Variants in URB1 observed in about 807,000 individuals in gnomAD.
The protein encoded by URB1 is URB1 ribosome biogenesis factor, also known as nucleolar pre-ribosomal-associated protein 1.
A neutral mutation model predicts 242.3 loss-of-function variants in URB1; 197 were observed. That is an observed-to-expected ratio of 0.81 (90% CI 0.72 to 0.91). The LOEUF (loss-of-function observed/expected upper bound fraction) is 0.91, where lower values mean the gene tolerates loss of function less well. Ranked by LOEUF, URB1 falls within the 40% of genes least tolerant of loss-of-function variation. The pLI is 0.00. For synonymous variants in URB1, 1,153 were observed against 1,201.8 expected, an observed-to-expected ratio of 0.96 and a Z score of 0.84; for missense variants, 2,721 against 2,860.5, an observed-to-expected ratio of 0.95 and a Z score of 1.11.
chr21:32,316,844 C>G lies in URB1; in HGVS notation c.6256G>C (p.Glu2086Gln), dbSNP rs574955611. 3.5e-5 allele frequency: 54 copies of G among 1,548,370 alleles called. No homozygotes were observed. Among genetic ancestry groups the G allele is most frequent in the Non-Finnish European group, 4.5e-5 (51 of 1,144,990 alleles). ...TQEPVDSASPESDAPGPVYAA... is the reference protein window; with the variant it reads ...TQEPVDSASPQSDAPGPVYAA... ...TATACGGGGCCTGGCGCATCGCTCT[C>G]GGGGCTGGCTGAGTCCACAGGCTCC... Residue 2086 changes from glutamate to glutamine, a missense_variant, in exon 38 of 39, where the codon GAG becomes CAG. Transcript: ENST00000382751.
chr21:32,358,421 T>C (rs1020013781), intron 14 of URB1, among the ~76,000 whole-genome samples: 4 of 152,200 alleles, frequency 2.6e-5, no homozygotes, highest in African/African-American at 9.7e-5. Flanking sequence ...CCAGTGCTGA[T>C]AGAACGGATT....
At position 32,378,478 on chromosome 21, in the gene URB1, C is replaced by T; in HGVS notation, c.631G>A (p.Asp211Asn). 6.4e-7 allele frequency: 1 copy of T among 1,551,712 alleles called. No homozygotes were observed. Among genetic ancestry groups the T allele is most frequent in the Non-Finnish European group, 8.7e-7 (1 of 1,146,990 alleles). Residue 211 changes from aspartate to asparagine, a missense_variant, in exon 5 of 39, where the codon GAC (aspartate) becomes AAC (asparagine). Transcript: ENST00000382751. ...TCCAACACCTGCACTATAGTGCTGTCATCACCCGCAATTAAAAAGGAGAGA... is the reference window on the plus strand; with the variant it reads ...TCCAACACCTGCACTATAGTGCTGTTATCACCCGCAATTAAAAAGGAGAGA... ...FALSFLIAGD[D>N]STIVQVLEVK...
At chr21:32,366,160 G>C (rs1017823683) in intron 10 of URB1, among the ~76,000 whole-genome samples, 3 of 151,748 alleles carry the variant, frequency 2.0e-5, no homozygotes, top group African/African-American at 7.3e-5. Context: ...GGCCTTCAAA[G>C]TATATGTTTG....
At chr21:32,345,609 C>T (rs1437713686) in intron 22 of URB1, 34 bp from the exon 23 acceptor site, 4 of 1,504,474 alleles carry the variant, frequency 2.7e-6, no homozygotes, top group Non-Finnish European at 3.6e-6. Context: ...AGTCATCACA[C>T]CCAATGGTGG....
At chr21:32,320,759 C>T in intron 34 of URB1, 119 bp from the exon 35 acceptor site, 1 of 755,268 alleles carries the variant, frequency 1.3e-6, no homozygotes, top group Non-Finnish European at 2.2e-6. Flanking sequence ...CAAATGAAGC[C>T]TGCTTTGCTA....
chr21:32,321,725 G>C, intron 34 of URB1, 76 bp downstream of exon 34: 3 of 1,530,858 alleles, frequency 2.0e-6, no homozygotes, highest in Middle Eastern at 1.9e-4. Flanking sequence ...AATTCATACG[G>C]ACTTGACTTC....
chr21:32,379,063 G>A (rs1054723134), intron 4 of URB1, among the ~76,000 whole-genome samples: 1 of 152,250 alleles, frequency 6.6e-6, no homozygotes, highest in Non-Finnish European at 1.5e-5. Flanking sequence ...CACAGATGCT[G>A]TCACGTTACT....
chr21:32,319,070 C>T (rs2123541579), intron 36 of URB1, 147 bp downstream of exon 36: 1 of 682,108 alleles, frequency 1.5e-6, no homozygotes, highest in Non-Finnish European at 2.3e-6. Flanking sequence ...CTACACCTGA[C>T]ACTGGTGCTC....
At chr21:32,361,204 A>ACAG in intron 12 of URB1, 81 bp from the exon 13 acceptor site, 58 of 987,248 alleles carry the variant, frequency 5.9e-5, no homozygotes, top group Non-Finnish European at 7.9e-5. Flanking sequence ...AGAAAGAAAG[A>ACAG]AAATAGCTTG....
chr21:32,316,635 C>T lies in URB1; in HGVS notation c.6465G>A (p.Arg2155=), dbSNP rs565249859. Residue 2155 remains arginine (R), a synonymous_variant, in exon 38 of 39, where the codon CGG becomes CGA. Transcript: ENST00000382751. ...VRSSIFRLYS[R]LCGAEGLAGP... ...CTGCCAGCCCCTCAGCCCCACAGAGCCGGCTATACAGCCTGAATATGCTGC... is the reference window on the plus strand; with the variant it reads ...CTGCCAGCCCCTCAGCCCCACAGAGTCGGCTATACAGCCTGAATATGCTGC... 6.9e-5 allele frequency: 107 copies of T among 1,551,576 alleles called. 1 individual carries two copies. In the South Asian group the frequency reaches 1.1e-3, roughly 16 times the overall value.
At chr21:32,342,920 T>C (rs2033047004) in intron 24 of URB1, among the ~76,000 whole-genome samples, 1 of 152,048 alleles carries the variant, frequency 6.6e-6, no homozygotes, top group African/African-American at 2.4e-5. Context: ...TACAACTGCG[T>C]GATACATGAT....
In URB1 at chr21:32,312,096, G is replaced by T; in HGVS notation, c.*2822C>A. 7.6e-6 allele frequency: 12 copies of T among 1,587,438 alleles called. No individual in the cohort carries two copies. The highest frequency in any genetic ancestry group is 1.0e-5 in the Non-Finnish European group (12 of 1,173,224). ...TCTTAGAGGCCATTTGCATGTAGCAGAAAGGGCACCTAGGTCAAGTGCAAC... is the reference window on the plus strand; with the variant it reads ...TCTTAGAGGCCATTTGCATGTAGCATAAAGGGCACCTAGGTCAAGTGCAAC... On this transcript the variant is annotated 3_prime_UTR_variant, in exon 39 of 39. Coordinates refer to ENST00000382751, the MANE Select transcript of URB1 (RefSeq NM_014825.3).
intron 36 of URB1, among the ~76,000 whole-genome samples, chr21:32,318,280 A>AG (rs1452747158): frequency 6.6e-6 from 1 of 152,150 alleles, no homozygotes; most frequent in African/African-American, 2.4e-5. Flanking sequence ...ACCACCAGTA[A>AG]AGTGAGAAAA....
At position 32,317,752 on chromosome 21, in the gene URB1, G is replaced by A. The variant is rs1348980165; in HGVS notation, c.5958C>T (p.Ser1986=). ...GGAGCTTGAGGTCTCTTTCAATGAGGCTCCACTTGTGCAAGAGGACAAGGA... is the reference window on the plus strand; with the variant it reads ...GGAGCTTGAGGTCTCTTTCAATGAGACTCCACTTGTGCAAGAGGACAAGGA... ...KDVLVLLHKW[S]LIERDLKLQE... Residue 1986 remains serine (S), a synonymous_variant, in exon 37 of 39, where the codon AGC becomes AGT. Transcript: ENST00000382751. The A allele has an allele frequency of 1.3e-6, 2 of 1,551,874 alleles. No individual in the cohort carries two copies. Among genetic ancestry groups the A allele is most frequent in the East Asian group, 4.9e-5 (2 of 40,912 alleles).
Position 32,353,849 on chromosome 21 carries a change from C to T in URB1, c.2416+84G>A, listed in dbSNP as rs2033186629. 4.2e-6 allele frequency: 6 copies of T among 1,445,458 alleles called. No individual in the cohort carries two copies. In the South Asian group the frequency reaches 7.2e-5, roughly 17 times the overall value. 89.5% of individuals were successfully genotyped at this position (1,445,458 alleles called of 1,614,324 possible). A position where few individuals can be genotyped will look rare whatever the true frequency, so the allele number is the denominator to read the frequency against. ...TGCCCTGGATTCTCAGCAATTGATC[C>T]CAGAGCCCCTGGAATCCCACCTCCC... is the stretch of plus-strand genomic sequence containing the variant. On this transcript the variant is annotated intron_variant, in intron 18 of 38. Transcript: ENST00000382751.
At chr21:32,318,666 G>A (rs890203987) in intron 36 of URB1, among the ~76,000 whole-genome samples, 3 of 152,166 alleles carry the variant, frequency 2.0e-5, no homozygotes, top group African/African-American at 7.2e-5. Flanking sequence ...TGTACACAGT[G>A]TATTTTCTGT....
rs2033659176 is a variant in URB1 at position 32,393,008 on chromosome 21, CG to C, written c.-99del. ...AGACACGCGCTTCAGGCCCACATGG[CG>C]CAGGAAGAGGCGGGGCTGGCGGAAG... On this transcript the variant is annotated 5_prime_UTR_variant, in exon 1 of 39. Transcript: ENST00000382751. 7.3e-7 allele frequency: 1 copy of C among 1,374,702 alleles called. No homozygotes were observed. Among genetic ancestry groups the C allele is most frequent in the Admixed American group, 3.1e-5 (1 of 32,742 alleles). The allele number at this position is 1,374,702 out of a possible 1,614,324, so 85.2% of individuals were successfully genotyped here.
At chr21:32,356,233 A>T (rs943951854) in intron 15 of URB1, among the ~76,000 whole-genome samples, 24 of 152,162 alleles carry the variant, frequency 1.6e-4, no homozygotes, top group African/African-American at 5.1e-4. Context: ...AATAGTAATT[A>T]AAAAAGTAGC....
At chr21:32,392,177 T>C (rs546574508) in intron 1 of URB1, among the ~76,000 whole-genome samples, 31 of 152,210 alleles carry the variant, frequency 2.0e-4, no homozygotes, top group Non-Finnish European at 4.1e-4. Flanking sequence ...TCCCAAACCA[T>C]GTTACTTTCC....
Sources: allele counts gnomAD v4.1 joint callset (sites outside exome capture counted in the v4.1 genomes callset), GRCh38; gene constraint gnomAD v4.1.1; transcripts MANE v1.5; gene names NCBI Gene and HGNC (gene_info 2026-07-23, HGNC 2026-07-21).